The following ZBTB38 variants were observed in gnomAD, a reference collection of about 807,000 sequenced individuals.
ZBTB38 encodes the protein zinc finger and BTB domain containing 38.
Under a neutral mutation model 76.8 loss-of-function variants are expected in ZBTB38, and 20 were observed. The ratio of observed to expected loss-of-function variants is 0.26; its 90% CI spans 0.18 to 0.38. The LOEUF (loss-of-function observed/expected upper bound fraction) is 0.38, where lower values mean the gene tolerates loss of function less well. Ranked by LOEUF, ZBTB38 falls within the 10% of genes least tolerant of loss-of-function variation. The pLI, the probability that ZBTB38 is intolerant of heterozygous loss-of-function variation, is 1.00. For synonymous variants in ZBTB38, 504 were observed against 544.2 expected, an observed-to-expected ratio of 0.93 and a Z score of 1.03; for missense variants, 1,082 against 1,482.3, an observed-to-expected ratio of 0.73 and a Z score of 4.43.
At chr3:141,422,828 C>T (rs2075686421) in intron 5 of ZBTB38, among the ~76,000 whole-genome samples, 1 of 152,130 alleles carries the variant, frequency 6.6e-6, no homozygotes, top group East Asian at 1.9e-4. Flanking sequence ...GTATTTATCA[C>T]AATATTGCAT....
chr3:141,444,966 T>C lies in ZBTB38; in HGVS notation c.2578T>C (p.Tyr860His), dbSNP rs758357368. 8 of 1,614,002 alleles carry C rather than the reference T, an allele frequency of 5.0e-6. No homozygotes were observed. The highest frequency in any genetic ancestry group is 5.9e-6 in the Non-Finnish European group (7 of 1,180,036). ...KRHILGSKLFYKRGRRPKYQM... is the reference protein window; with the variant it reads ...KRHILGSKLFHKRGRRPKYQM... ...GCACATTCTAGGATCTAAATTGTTT[T>C]ATAAAAGAGGGAGAAGACCCAAGTA... The change falls in exon 6 of 6, where the codon TAT (tyrosine) becomes CAT (histidine). Residue 860 changes from tyrosine to histidine, a missense_variant. Tyr to His is a moderately conservative substitution (Grantham distance 83). Transcript: ENST00000321464. The surrounding 1 kb of genome is among the most constrained non-coding windows in gnomAD (Gnocchi z 5.1).
chr3:141,340,394 T>C (rs1943138062), intron 1 of ZBTB38, among the ~76,000 whole-genome samples: 1 of 152,138 alleles, frequency 6.6e-6, no homozygotes, highest in African/African-American at 2.4e-5. Flanking sequence ...CAATAACTAA[T>C]TATTGAATGC....
In ZBTB38 at chr3:141,428,664, C is replaced by T. The variant is rs569786289; in HGVS notation, c.1-13725C>T. 9.9e-5 allele frequency among the ~76,000 whole-genome samples: 15 copies of T among 152,144 alleles called. No homozygotes were observed. In the South Asian group the frequency reaches 1.7e-3, roughly 17 times the overall value. ...TAATATTTTGTATTTTTAGTAGAGA[C>T]GGGGTTTCACCATGTTGGTCAGGCT... On this transcript the variant is annotated intron_variant, in intron 5 of 5. Transcript: ENST00000321464.
At chr3:141,360,502 A>C (rs1457973651) in intron 1 of ZBTB38, among the ~76,000 whole-genome samples, 1 of 152,240 alleles carries the variant, frequency 6.6e-6, no homozygotes, top group African/African-American at 2.4e-5. Context: ...GAGGGGATGG[A>C]AAATCTTTTA....
intron 1 of ZBTB38, among the ~76,000 whole-genome samples, chr3:141,335,695 A>G (rs1942996983): frequency 6.6e-6 from 1 of 152,220 alleles, no homozygotes; most frequent in African/African-American, 2.4e-5. Context: ...ATCACCTCCC[A>G]GAGGCACCTC....
rs1252083899 is a variant in ZBTB38, at chr3:141,449,766, T to C, written c.*3790T>C. ...TTAATATTGAAAGCATCTGTAACAA[T>C]TGGGAAAGTAAAAGCATAAAACAAA... On this transcript the variant is annotated 3_prime_UTR_variant, in exon 6 of 6. Coordinates refer to ENST00000321464, the MANE Select transcript of ZBTB38 (RefSeq NM_001376113.1). 3.3e-5 allele frequency: 5 copies of C among 152,366 alleles called. No homozygotes were observed. Among genetic ancestry groups the C allele is most frequent in the African/African-American group, 4.8e-5 (2 of 41,584 alleles). 9.4% of individuals were successfully genotyped at this position (152,366 alleles called of 1,614,324 possible). A position where few individuals can be genotyped will look rare whatever the true frequency, so the allele number is the denominator to read the frequency against.
chr3:141,364,291 A>T (rs1028974655), upstream of ZBTB38, among the ~76,000 whole-genome samples: 3 of 151,754 alleles, frequency 2.0e-5, no homozygotes, highest in South Asian at 2.1e-4. Context: ...CAGAAATGAA[A>T]TGACAACCAT....
chr3:141,358,002 A>G (rs1943717383), intron 1 of ZBTB38, among the ~76,000 whole-genome samples: 1 of 152,208 alleles, frequency 6.6e-6, no homozygotes, highest in African/African-American at 2.4e-5. Context: ...CATACACTCT[A>G]GTGGGAAGGC....
At chr3:141,348,799 G>C (rs549798194) in intron 1 of ZBTB38, among the ~76,000 whole-genome samples, 2 of 152,276 alleles carry the variant, frequency 1.3e-5, no homozygotes, top group East Asian at 3.9e-4. Flanking sequence ...TAAAATGATA[G>C]TAATGGCATT....
intron 5 of ZBTB38, among the ~76,000 whole-genome samples, chr3:141,408,058 C>A (rs1955249295): frequency 6.6e-6 from 1 of 152,178 alleles, no homozygotes; most frequent in Admixed American, 6.5e-5. Flanking sequence ...GTTTGCAAAA[C>A]CATTGTAACT....
chr3:141,443,021 G>A lies in ZBTB38; in HGVS notation c.633G>A (p.Glu211=). 1 of 1,614,222 alleles carries A rather than the reference G, an allele frequency of 6.2e-7. No individual in the cohort carries two copies. The highest frequency in any genetic ancestry group is 8.5e-7 in the Non-Finnish European group (1 of 1,180,042). The change falls in exon 6 of 6, where the codon GAG becomes GAA. Residue 211 remains glutamate (E), a synonymous_variant. Coordinates refer to ENST00000321464, the MANE Select transcript of ZBTB38 (RefSeq NM_001376113.1). This position sits in a 1 kb window ranked among gnomAD's most constrained non-coding sequence, Gnocchi z 5.6. ...TGGAGAGGACGGACGTCTGCCACGA[G>A]GCAGAGCCTGTCCGCACACTTGCCG... The part of the protein sequence containing the change: ...LCLERTDVCH[E]AEPVRTLAEH...
At chr3:141,349,461 A>ACAAG (rs1943458216) in intron 1 of ZBTB38, among the ~76,000 whole-genome samples, 1 of 152,200 alleles carries the variant, frequency 6.6e-6, no homozygotes, top group South Asian at 2.1e-4. Flanking sequence ...GGTGCAAAAA[A>ACAAG]CAAGCAAACA....
At chr3:141,408,690 A>G (rs1955544056) in intron 5 of ZBTB38, among the ~76,000 whole-genome samples, 1 of 152,278 alleles carries the variant, frequency 6.6e-6, no homozygotes. Context: ...TTTGACATGT[A>G]TATGGAATTG....
Position 141,428,329 on chromosome 3 carries a change from C to T in ZBTB38, c.1-14060C>T, listed in dbSNP as rs530386829. 2.0e-5 allele frequency among the ~76,000 whole-genome samples: 3 copies of T among 152,332 alleles called. No individual in the cohort carries two copies. The South Asian group carries it at 6.2e-4, about 32-fold the overall frequency. ...TGTGCCATATAGAACAAGTCACCTG[C>T]TCTGACTTAATTACTGCTGTATGTG... On this transcript the variant is annotated intron_variant, in intron 5 of 5. Transcript: ENST00000321464.
intron 5 of ZBTB38, among the ~76,000 whole-genome samples, chr3:141,441,661 CTGAG>C (rs1197664934): frequency 6.6e-6 from 1 of 152,188 alleles, no homozygotes; most frequent in Non-Finnish European, 1.5e-5. Context: ...TGCTTCTTCT[CTGAG>C]TGGGCAATAG....
At position 141,446,198 on chromosome 3, in the gene ZBTB38, A is replaced by C; in HGVS notation, c.*222A>C. On this transcript the variant is annotated 3_prime_UTR_variant, in exon 6 of 6. Transcript: ENST00000321464. ...CAAAAACAAAATAGCTGACTCCTCC[A>C]ATATCCCAAGTTTCTTGTGAAAGTT... 1 of 370,324 alleles carries C rather than the reference A, an allele frequency of 2.7e-6. No individual in the cohort carries two copies. The highest frequency in any genetic ancestry group is 4.2e-5 in the Admixed American group (1 of 23,686). The allele number at this position is 370,324 out of a possible 1,614,324, so 22.9% of individuals were successfully genotyped here.
intron 5 of ZBTB38, among the ~76,000 whole-genome samples, chr3:141,420,741 C>T (rs1219779280): frequency 6.6e-6 from 1 of 152,114 alleles, no homozygotes; most frequent in South Asian, 2.1e-4. Flanking sequence ...ACAGTCATGT[C>T]TTTTTATCCC....
chr3:141,432,026 G>A lies in ZBTB38; in HGVS notation c.1-10363G>A, dbSNP rs560420276. The A allele has an allele frequency of 5.1e-5, 47 of 915,976 alleles. No individual in the cohort carries two copies. In the South Asian group the frequency reaches 2.0e-3, roughly 39 times the overall value. 56.7% of individuals were successfully genotyped at this position (915,976 alleles called of 1,614,324 possible). A position where few individuals can be genotyped will look rare whatever the true frequency, so the allele number is the denominator to read the frequency against. The stretch of plus-strand genomic sequence containing the variant: ...CTGATGCGTGTGTTTCTAACACCCC[G>A]TCACGTGAGGAGGTCTGACGTAGTC... On this transcript the variant is annotated intron_variant, in intron 5 of 5. Coordinates refer to ENST00000321464, the MANE Select transcript of ZBTB38 (RefSeq NM_001376113.1).
chr3:141,436,618 C>T (rs2078858598), intron 5 of ZBTB38, among the ~76,000 whole-genome samples: 1 of 152,184 alleles, frequency 6.6e-6, no homozygotes, highest in Non-Finnish European at 1.5e-5. Flanking sequence ...CTTCCTCAGC[C>T]TCCCGAGTAG....
Sources: gnomAD v4.1 joint callset for allele counts (sites outside exome capture counted in the v4.1 genomes callset) on GRCh38, gnomAD v4.1.1 for gene constraint, Gnocchi (gnomAD v3.1) non-coding constraint, MANE v1.5 for transcripts, NCBI Gene and HGNC (gene_info 2026-07-23, HGNC 2026-07-21) for gene names.